The following ARPP21 variants were observed in gnomAD, a reference collection of about 807,000 sequenced individuals.
ARPP21 encodes cAMP-regulated phosphoprotein 21.
A neutral mutation model predicts 113.2 loss-of-function variants in ARPP21; 69 were observed. The ratio of observed to expected loss-of-function variants is 0.61; its 90% CI spans 0.50 to 0.74. ARPP21 has a LOEUF of 0.74. ARPP21 is among the 30% of genes least tolerant of loss of function. ARPP21 has a pLI of 0.00. For missense variants in ARPP21, 1,070 were observed against 1,037.4 expected (o/e 1.03, Z -0.43); for synonymous variants, 368 against 375.5 (o/e 0.98, Z 0.23).
intron 18 of ARPP21, among the ~76,000 whole-genome samples, 173 bp from the exon 19 acceptor site, chr3:35,743,666 G>A (rs1436568332): frequency 6.6e-6 from 1 of 152,234 alleles, no homozygotes; most frequent in Non-Finnish European, 1.5e-5. Context: ...TTGGGAAATG[G>A]ATTTTGCCTC....
chr3:35,641,176 G>A (rs1274307067), intron 1 of ARPP21: 3 of 152,140 alleles, frequency 2.0e-5, no homozygotes, highest in Non-Finnish European at 4.4e-5. Flanking sequence ...TTAGAGTACA[G>A]ATATTCATTT....
chr3:35,676,237 A>G lies in ARPP21; in HGVS notation c.-212-3550A>G, dbSNP rs2077448647. ...TTCCTTAGTTTTAATGGCATTCATG[A>G]TTATTATGGTGCTACTCCTTTGCAC... is the stretch of plus-strand genomic sequence containing the variant. On this transcript the variant is annotated intron_variant, in intron 1 of 20. Transcript: ENST00000684406. Among the ~76,000 whole-genome samples the G allele has an allele frequency of 2.0e-5, 3 of 151,884 alleles. No homozygotes were observed. In the South Asian group the frequency reaches 6.2e-4, roughly 31 times the overall value.
intron 19 of ARPP21, among the ~76,000 whole-genome samples, chr3:35,760,312 G>T (rs2095719938): frequency 6.6e-6 from 1 of 152,076 alleles, no homozygotes; most frequent in Admixed American, 6.6e-5. Flanking sequence ...AGGGTTGGTG[G>T]CATTGTCTTG....
intron 19 of ARPP21, among the ~76,000 whole-genome samples, chr3:35,765,271 T>C (rs1022633309): frequency 6.6e-6 from 1 of 152,136 alleles, no homozygotes; most frequent in Non-Finnish European, 1.5e-5. Context: ...AGGATTGCCT[T>C]GCCCTCATCT....
At chr3:35,680,114 C>T (rs996330809) in intron 2 of ARPP21, among the ~76,000 whole-genome samples, 154 bp downstream of exon 2, 3 of 151,800 alleles carry the variant, frequency 2.0e-5, no homozygotes, top group Non-Finnish European at 4.4e-5. Flanking sequence ...AATTAGAGCT[C>T]AATTTGTTCA....
chr3:35,707,828 T>C, intron 10 of ARPP21, among the ~76,000 whole-genome samples: 1 of 151,880 alleles, frequency 6.6e-6, no homozygotes, highest in Non-Finnish European at 1.5e-5. Flanking sequence ...TCCAGGGTGA[T>C]TAGAAGAAAG....
intron 19 of ARPP21, among the ~76,000 whole-genome samples, chr3:35,781,891 A>C (rs1576992536): frequency 6.6e-6 from 1 of 152,276 alleles, no homozygotes; most frequent in African/African-American, 2.4e-5. Flanking sequence ...AAAATACATA[A>C]ATTTATATCA....
intron 19 of ARPP21, among the ~76,000 whole-genome samples, chr3:35,776,584 G>A (rs2151630220): frequency 6.6e-6 from 1 of 152,276 alleles, no homozygotes; most frequent in South Asian, 2.1e-4. Flanking sequence ...GTGAAAGACA[G>A]TTCTCCTTTG....
chr3:35,784,333 C>A (rs573900329), intron 19 of ARPP21, among the ~76,000 whole-genome samples: 184 of 152,290 alleles, frequency 1.2e-3, no homozygotes, highest in African/African-American at 3.8e-3. Context: ...ATCTTGCCAG[C>A]TAGTTGTTAA....
chr3:35,749,343 A>C (rs993580014), intron 19 of ARPP21, among the ~76,000 whole-genome samples: 6 of 151,684 alleles, frequency 4.0e-5, no homozygotes, highest in African/African-American at 1.5e-4. Flanking sequence ...AATGGTTTCC[A>C]ACTCCAAATT....
chr3:35,710,531 T>C (rs1404479925), intron 11 of ARPP21, among the ~76,000 whole-genome samples: 3 of 133,496 alleles, frequency 2.2e-5, no homozygotes, highest in Non-Finnish European at 4.7e-5. Flanking sequence ...TCTTGCTCTC[T>C]CTCTCTCTCA....
chr3:35,717,906 C>T (rs765699582), intron 13 of ARPP21, among the ~76,000 whole-genome samples: 1 of 152,074 alleles, frequency 6.6e-6, no homozygotes, highest in African/African-American at 2.4e-5. Flanking sequence ...AAGTTCTATA[C>T]TAGACTAGAA....
intron 1 of ARPP21, among the ~76,000 whole-genome samples, chr3:35,660,025 G>T (rs1706951735): frequency 6.6e-6 from 1 of 152,154 alleles, no homozygotes; most frequent in African/African-American, 2.4e-5. Context: ...AGCATGAGAG[G>T]CTTTGCCAAG....
intron 1 of ARPP21, among the ~76,000 whole-genome samples, chr3:35,666,947 T>C (rs2074529290): frequency 6.6e-6 from 1 of 152,206 alleles, no homozygotes; most frequent in South Asian, 2.1e-4. Context: ...ATGGCATGCC[T>C]TCAGTATTTA....
chr3:35,664,573 T>C (rs1354426029), intron 1 of ARPP21, among the ~76,000 whole-genome samples: 2 of 152,174 alleles, frequency 1.3e-5, no homozygotes, highest in Non-Finnish European at 2.9e-5. Flanking sequence ...GCTATGCCTC[T>C]ATCCTCAGTG....
intron 19 of ARPP21, among the ~76,000 whole-genome samples, chr3:35,784,516 G>A (rs1003796641): frequency 1.3e-5 from 2 of 152,194 alleles, no homozygotes; most frequent in East Asian, 3.9e-4. Context: ...CCATGTGATA[G>A]CACCAGAAAT....
At chr3:35,667,950 A>AGAG (rs2075051252) in intron 1 of ARPP21, among the ~76,000 whole-genome samples, 2 of 13,934 alleles carry the variant, frequency 1.4e-4, no homozygotes, top group African/African-American at 4.6e-4. Flanking sequence ...GAAGAAGAAA[A>AGAG]GAAGAAGAAG....
At chr3:35,760,187 T>G (rs1306298473) in intron 19 of ARPP21, among the ~76,000 whole-genome samples, 1 of 152,120 alleles carries the variant, frequency 6.6e-6, no homozygotes, top group Non-Finnish European at 1.5e-5. Flanking sequence ...TCCCCCTTGT[T>G]GTCGTTGTTG....
chr3:35,735,981 T>C (rs1289292175), intron 15 of ARPP21, among the ~76,000 whole-genome samples: 5 of 152,054 alleles, frequency 3.3e-5, no homozygotes, highest in African/African-American at 1.2e-4. Context: ...TTACGACACA[T>C]TTTTTTTCAT....
Sources: gnomAD v4.1 joint callset for allele counts (sites outside exome capture counted in the v4.1 genomes callset) on GRCh38, gnomAD v4.1.1 for gene constraint, MANE v1.5 for transcripts, NCBI Gene and HGNC (gene_info 2026-07-23, HGNC 2026-07-21) for gene names.